HS3ST2: variants seen among roughly 807,000 people sequenced by gnomAD.
HS3ST2 encodes the protein heparan sulfate-glucosamine 3-sulfotransferase 2, also known as heparan sulfate glucosamine 3-O-sulfotransferase 2.
In HS3ST2, 17 loss-of-function variants were observed where a neutral mutation model predicts 26.3. The ratio of observed to expected loss-of-function variants is 0.65; its 90% confidence interval spans 0.44 to 0.97. HS3ST2 has a LOEUF of 0.97. HS3ST2 is among the 50% of genes least tolerant of loss of function. HS3ST2 has a pLI of 0.00. For missense variants in HS3ST2, 402 were observed against 501.2 expected (o/e 0.80, Z 1.89); for synonymous variants, 237 against 219.2 (o/e 1.08, Z -0.72).
At chr16:22,832,151 C>CTTTTCTTTTTT (rs1337530497) in intron 1 of HS3ST2, among the ~76,000 whole-genome samples, 12 of 115,476 alleles carry the variant, frequency 1.0e-4, no homozygotes, top group African/African-American at 3.8e-4. Flanking sequence ...CCCAGCTGAT[C>CTTTTCTTTTTT]TTTTTTTTTT....
rs150284040 is a variant in HS3ST2, at chr16:22,885,373, A to C, written c.486-29571A>C. On this transcript the variant is annotated intron_variant, in intron 1 of 1. Coordinates refer to ENST00000261374, the MANE Select transcript of HS3ST2 (RefSeq NM_006043.2). Reference sequence around the variant, plus strand: ...AGAACAGAATTTTGAACTTGGGGCTATTGCTCTTAAATCTCACTCTCTGCT... The same window carrying C: ...AGAACAGAATTTTGAACTTGGGGCTCTTGCTCTTAAATCTCACTCTCTGCT... Among the ~76,000 whole-genome samples, 947 of 151,860 alleles carry C rather than the reference A, an allele frequency of 6.2e-3. 9 individuals carry two copies. The highest frequency in any genetic ancestry group is 0.019 in the African/African-American group (802 of 41,422).
intron 1 of HS3ST2, among the ~76,000 whole-genome samples, chr16:22,852,700 C>A (rs746457507): frequency 4.6e-5 from 7 of 152,150 alleles, no homozygotes; most frequent in Non-Finnish European, 8.8e-5. Context: ...GTTATTAATG[C>A]GTGTTTCTCC....
chr16:22,906,742 C>T (rs887719204), intron 1 of HS3ST2, among the ~76,000 whole-genome samples: 1 of 152,142 alleles, frequency 6.6e-6, no homozygotes, highest in Admixed American at 6.5e-5. Flanking sequence ...TACTAGCTGC[C>T]CAAGGCCAGA....
At chr16:22,820,820 A>G (rs1178495364) in intron 1 of HS3ST2, among the ~76,000 whole-genome samples, 1 of 152,254 alleles carries the variant, frequency 6.6e-6, no homozygotes, top group African/African-American at 2.4e-5. Flanking sequence ...CACATTGTTA[A>G]GCCTGTTTTG....
chr16:22,872,484 T>G (rs1901851668), intron 1 of HS3ST2, among the ~76,000 whole-genome samples: 1 of 152,138 alleles, frequency 6.6e-6, no homozygotes, highest in Non-Finnish European at 1.5e-5. Flanking sequence ...TACCAAAAAT[T>G]TATAGTTCTA....
intron 1 of HS3ST2, among the ~76,000 whole-genome samples, chr16:22,909,736 A>G (rs939939651): frequency 2.0e-5 from 3 of 152,170 alleles, no homozygotes; most frequent in East Asian, 3.9e-4. Context: ...AACTGATAAC[A>G]CCAATTAGAA....
intron 1 of HS3ST2, among the ~76,000 whole-genome samples, chr16:22,897,383 A>G (rs1013485177): frequency 4.6e-5 from 7 of 152,326 alleles, no homozygotes; most frequent in Non-Finnish European, 7.3e-5. Context: ...ATATTTGCTG[A>G]GTAAGTACAT....
intron 1 of HS3ST2, among the ~76,000 whole-genome samples, chr16:22,907,711 G>C (rs1169026330): frequency 1.3e-5 from 2 of 152,228 alleles, no homozygotes; most frequent in Non-Finnish European, 1.5e-5. Context: ...CCAGTCTATA[G>C]ACAAGCATTC....
intron 1 of HS3ST2, among the ~76,000 whole-genome samples, chr16:22,914,737 A>C (rs1902468459): frequency 3.0e-5 from 1 of 33,672 alleles, no homozygotes; most frequent in Admixed American, 2.7e-4. Context: ...ACCTTGTCTC[A>C]AAAAAAAAAA....
At chr16:22,890,906 G>A (rs1902119043) in intron 1 of HS3ST2, among the ~76,000 whole-genome samples, 1 of 152,160 alleles carries the variant, frequency 6.6e-6, no homozygotes. Flanking sequence ...TCCGCATTCA[G>A]CAACTGACTG....
At chr16:22,872,923 A>G (rs1827585) in intron 1 of HS3ST2, among the ~76,000 whole-genome samples, 21,761 of 152,158 alleles carry the variant, frequency 0.14, 2,290 homozygotes, top group East Asian at 0.37. Context: ...CTGAAAGTGT[A>G]GGCTCTGGAG....
At chr16:22,844,359 T>C (rs1363107529) in intron 1 of HS3ST2, among the ~76,000 whole-genome samples, 1 of 152,152 alleles carries the variant, frequency 6.6e-6, no homozygotes, top group Non-Finnish European at 1.5e-5. Flanking sequence ...CAAAGCTCCT[T>C]ACAGTTCCCA....
rs571059461 is a variant in HS3ST2 at position 22,901,139 on chromosome 16, C to T, written c.486-13805C>T. On this transcript the variant is annotated intron_variant, in intron 1 of 1. Transcript: ENST00000261374. ...CAAGTGAAGTTGGCATTACCATGAT[C>T]CACACATTGCAGGTGAAGAAACTAA... Among the ~76,000 whole-genome samples, 8 of 152,256 alleles carry T rather than the reference C, an allele frequency of 5.3e-5. No homozygotes were observed. In the South Asian group the frequency reaches 8.3e-4, roughly 16 times the overall value.
chr16:22,895,804 A>G (rs1411661989), intron 1 of HS3ST2, among the ~76,000 whole-genome samples: 1 of 152,004 alleles, frequency 6.6e-6, no homozygotes, highest in South Asian at 2.1e-4. Context: ...GAAGGTATGT[A>G]TCCTGTTTAT....
chr16:22,831,123 C>G (rs545158356), intron 1 of HS3ST2, among the ~76,000 whole-genome samples: 1 of 152,270 alleles, frequency 6.6e-6, no homozygotes, highest in African/African-American at 2.4e-5. Context: ...AAGACTTTCT[C>G]CATGATGGAA....
At chr16:22,909,577 G>T (rs1902396094) in intron 1 of HS3ST2, among the ~76,000 whole-genome samples, 1 of 152,200 alleles carries the variant, frequency 6.6e-6, no homozygotes, top group Non-Finnish European at 1.5e-5. Context: ...CTATTCCAAT[G>T]ACCCAAGGAG....
At chr16:22,865,373 T>C (rs979416219) in intron 1 of HS3ST2, among the ~76,000 whole-genome samples, 6 of 151,878 alleles carry the variant, frequency 4.0e-5, no homozygotes, top group Non-Finnish European at 7.4e-5. Context: ...ACCAACATGG[T>C]GAAGCCCCGT....
intron 1 of HS3ST2, among the ~76,000 whole-genome samples, chr16:22,906,918 C>T (rs1018031146): frequency 2.3e-4 from 35 of 152,102 alleles, no homozygotes; most frequent in Non-Finnish European, 2.9e-4. Context: ...GAACAAGAAA[C>T]GTGCAAGTTG....
At position 22,829,423 on chromosome 16, in the gene HS3ST2, G is replaced by A; in HGVS notation, c.485+14328G>A. ...TCCCATTTAGAGAGGACAATCAGTA[G>A]TCAGTCCTAAACAATATTTTTGACA... is the stretch of plus-strand genomic sequence containing the variant. On this transcript the variant is annotated intron_variant, in intron 1 of 1. Transcript: ENST00000261374. Among the ~76,000 whole-genome samples the A allele has an allele frequency of 1.3e-5, 2 of 152,200 alleles. 1 individual carries two copies. Among genetic ancestry groups the A allele is most frequent in the Non-Finnish European group, 2.9e-5 (2 of 68,046 alleles).
Sources: allele counts gnomAD v4.1 joint callset (sites outside exome capture counted in the v4.1 genomes callset), GRCh38; gene constraint gnomAD v4.1.1; transcripts MANE v1.5; gene names NCBI Gene and HGNC (gene_info 2026-07-23, HGNC 2026-07-21).